Variants in NAV1 observed in about 807,000 individuals in gnomAD.
NAV1 encodes the protein pore membrane and/or filament interacting like protein 3.
Under a neutral mutation model 175.2 loss-of-function variants are expected in NAV1, and 18 were observed. The observed-to-expected ratio is 0.10, with a 90% CI of 0.07 to 0.15. The LOEUF (loss-of-function observed/expected upper bound fraction) is 0.15, where lower values mean the gene tolerates loss of function less well. Ranked by LOEUF, NAV1 falls within the 10% of genes least tolerant of loss-of-function variation. NAV1 has a pLI of 1.00. For synonymous variants in NAV1, 897 were observed against 978.7 expected (o/e 0.92, Z 1.56); for missense variants, 1,731 against 2,436.6 (o/e 0.71, Z 6.10).
At chr1:201,555,254 G>A (rs1665978379) in intron 1 of NAV1, among the ~76,000 whole-genome samples, 1 of 152,208 alleles carries the variant, frequency 6.6e-6, no homozygotes, top group Non-Finnish European at 1.5e-5. Context: ...CCTGCCACAA[G>A]ATTGAATGAG....
chr1:201,760,633 G>A (rs1388964023), intron 3 of NAV1, among the ~76,000 whole-genome samples: 1 of 152,210 alleles, frequency 6.6e-6, no homozygotes, highest in East Asian at 1.9e-4. Context: ...TCTGTGGTGA[G>A]TTGGTTTCTC....
intron 1 of NAV1, among the ~76,000 whole-genome samples, chr1:201,572,207 C>T (rs1424851951): frequency 6.6e-6 from 1 of 152,108 alleles, no homozygotes; most frequent in Non-Finnish European, 1.5e-5. Context: ...AGGCATGTGA[C>T]AAGCATGGTG....
At position 201,539,238 on chromosome 1, in the gene NAV1, C is replaced by A. The variant is rs1410427144; in HGVS notation, c.-248C>A. ...AGGCGGCCTGGGGAGCCCCGGGAAA[C>A]TTTGTGCTCGCGAGAAGCGGACCCC... On this transcript the variant is annotated 5_prime_UTR_variant, in exon 1 of 34. Coordinates refer to the NAV1 transcript ENST00000685211. This position sits in a 1 kb window ranked among gnomAD's most constrained non-coding sequence, Gnocchi z 5.6. Among the ~76,000 whole-genome samples, 3 of 152,166 alleles carry A rather than the reference C, an allele frequency of 2.0e-5. No homozygotes were observed. Among genetic ancestry groups the A allele is most frequent in the Non-Finnish European group, 4.4e-5 (3 of 68,014 alleles).
intron 2 of NAV1, among the ~76,000 whole-genome samples, chr1:201,593,256 A>G (rs910327594): frequency 6.6e-6 from 1 of 152,060 alleles, no homozygotes; most frequent in African/African-American, 2.4e-5. Context: ...TTCAGGCCCT[A>G]TTCATCTATC....
At chr1:201,586,709 T>C (rs1254571002) in intron 1 of NAV1, among the ~76,000 whole-genome samples, 14 of 151,746 alleles carry the variant, frequency 9.2e-5, no homozygotes, top group Non-Finnish European at 2.1e-4. Context: ...AGAGAGATCT[T>C]TGGTATCTTT....
intron 1 of NAV1, among the ~76,000 whole-genome samples, chr1:201,696,523 C>G (rs934592314): frequency 6.6e-6 from 1 of 152,134 alleles, no homozygotes; most frequent in East Asian, 1.9e-4. Flanking sequence ...GCTGGCAGCC[C>G]GATGTCTTGG....
rs1188885818 is a variant in NAV1 at position 201,624,336 on chromosome 1, C to CTTTTTTTT, written c.-101+748_-101+755dup. Among the ~76,000 whole-genome samples, 25 of 79,462 alleles carry CTTTTTTTT rather than the reference C, an allele frequency of 3.1e-4. 1 individual carries two copies. The highest frequency in any genetic ancestry group is 3.8e-4 in the African/African-American group (7 of 18,478). 52.1% of individuals were successfully genotyped at this position (79,462 alleles called of 152,430 possible). A position where few individuals can be genotyped will look rare whatever the true frequency, so the allele number is the denominator to read the frequency against. On this transcript the variant is annotated intron_variant, in intron 1 of 29. Coordinates refer to the NAV1 transcript ENST00000367302. Reference sequence around the variant, plus strand: ...AAAAACAAACGCTTAGTCAACTACGCTTTTTTTTTTTTTTTTTTTTTTTTT... The same window carrying CTTTTTTTT: ...AAAAACAAACGCTTAGTCAACTACGCTTTTTTTTTTTTTTTTTTTTTTTTTTTTTTTTT...
chr1:201,746,330 C>T (rs1300673077), intron 3 of NAV1, among the ~76,000 whole-genome samples: 5 of 152,122 alleles, frequency 3.3e-5, no homozygotes, highest in Non-Finnish European at 7.3e-5. Context: ...CAGCTTTGGA[C>T]ATACCATATT....
intron 1 of NAV1, among the ~76,000 whole-genome samples, chr1:201,540,060 C>A (rs1350626222): frequency 6.6e-6 from 1 of 152,222 alleles, no homozygotes; most frequent in Non-Finnish European, 1.5e-5. Context: ...CTGCTAATCC[C>A]CAGAGCCGAT....
At chr1:201,604,860 G>T (rs1667631832) in intron 2 of NAV1, among the ~76,000 whole-genome samples, 2 of 152,102 alleles carry the variant, frequency 1.3e-5, no homozygotes. Context: ...ATCGAGGAAG[G>T]GGTGGAGTGA....
chr1:201,643,108 T>A (rs1475513825), intron 2 of NAV1, among the ~76,000 whole-genome samples: 1 of 151,406 alleles, frequency 6.6e-6, no homozygotes, highest in Non-Finnish European at 1.5e-5. Context: ...TCTTTCTTTC[T>A]TTCTTTCTTC....
intron 11 of NAV1, 144 bp from the exon 16 acceptor site, chr1:201,790,410 A>C (rs1468421810): frequency 1.2e-6 from 1 of 868,556 alleles, no homozygotes; most frequent in African/African-American, 1.7e-5. Flanking sequence ...AGCCAGGGCC[A>C]GGAAACAAGA....
chr1:201,559,741 T>A (rs1666141409), intron 1 of NAV1, among the ~76,000 whole-genome samples: 2 of 152,186 alleles, frequency 1.3e-5, no homozygotes, highest in Admixed American at 6.5e-5. Context: ...AATAGGTGCT[T>A]AATAAAGGCG....
At chr1:201,803,549 C>T (rs760499434) in intron 15 of NAV1, 44 bp from the exon 20 acceptor site, 5 of 1,601,044 alleles carry the variant, frequency 3.1e-6, no homozygotes, top group Non-Finnish European at 3.4e-6. Context: ...CTCACATCCT[C>T]TCTAAATCTG....
At chr1:201,728,858 A>G (rs1672726795) in intron 3 of NAV1, among the ~76,000 whole-genome samples, 1 of 152,198 alleles carries the variant, frequency 6.6e-6, no homozygotes, top group Admixed American at 6.5e-5. Context: ...GGTTGGTGAA[A>G]GGTTGGAGTA....
intron 1 of NAV1, among the ~76,000 whole-genome samples, chr1:201,577,796 T>TC (rs944304550): frequency 1.3e-5 from 2 of 152,106 alleles, no homozygotes; most frequent in African/African-American, 2.4e-5. Context: ...CTTTTTATTT[T>TC]CCCCCCAGCA....
At chr1:201,742,967 T>C (rs1673526811) in intron 3 of NAV1, among the ~76,000 whole-genome samples, 2 of 152,194 alleles carry the variant, frequency 1.3e-5, no homozygotes, top group Admixed American at 6.5e-5. Flanking sequence ...TCTCAGCTAA[T>C]CACCTTTTCT....
chr1:201,560,991 T>C (rs654897), intron 1 of NAV1, among the ~76,000 whole-genome samples: 40,227 of 152,210 alleles, frequency 0.26, 6,257 homozygotes, highest in African/African-American at 0.41. Flanking sequence ...GTCGCTACTC[T>C]TTCCACAGGT....
chr1:201,802,475 AAG>A (rs1491465621), intron 15 of NAV1, among the ~76,000 whole-genome samples: 11 of 125,364 alleles, frequency 8.8e-5, no homozygotes, highest in East Asian at 5.3e-4. Flanking sequence ...AAAAAAAAAA[AAG>A]AAAGAAAGAA....
Sources: gnomAD v4.1 joint callset for allele counts (sites outside exome capture counted in the v4.1 genomes callset) on GRCh38, gnomAD v4.1.1 for gene constraint, Gnocchi (gnomAD v3.1) non-coding constraint, MANE v1.5 for transcripts, NCBI Gene and HGNC (gene_info 2026-07-23, HGNC 2026-07-21) for gene names.